The following NKIRAS1 variants were observed in gnomAD, a reference collection of about 807,000 sequenced individuals.
NKIRAS1 encodes NFKB inhibitor interacting Ras like 1, also known as NF-kappa-B inhibitor-interacting Ras-like protein 1.
A neutral mutation model predicts 19.8 loss-of-function variants in NKIRAS1; 16 were observed. The ratio of observed to expected loss-of-function variants is 0.81; its 90% CI spans 0.55 to 1.23. The LOEUF is 1.23. Ranked by LOEUF, NKIRAS1 falls within the 50% of genes most tolerant of loss-of-function variation. NKIRAS1 has a pLI of 0.00. For synonymous variants in NKIRAS1, 88 were observed against 79.0 expected, an observed-to-expected ratio of 1.11 and a Z score of -0.61; for missense variants, 184 against 220.0, an observed-to-expected ratio of 0.84 and a Z score of 1.04.
chr3:23,915,296 T>C (rs186497360), intron 1 of NKIRAS1, among the ~76,000 whole-genome samples: 1 of 152,246 alleles, frequency 6.6e-6, no homozygotes, highest in East Asian at 1.9e-4. Context: ...GCAGGCTTCA[T>C]AAGGTGGAAA....
rs1321797881 is a variant in NKIRAS1, at chr3:23,900,959, G to C, written c.185C>G (p.Thr62Ser). 1 of 1,613,978 alleles carries C rather than the reference G, an allele frequency of 6.2e-7. No individual in the cohort carries two copies. Among genetic ancestry groups the C allele is most frequent in the East Asian group, 2.2e-5 (1 of 44,886 alleles). The part of the protein sequence containing the change: ...GVKEQLHLYD[T>S]RGLQEGVELP... Reference sequence around the variant, plus strand: ...CTCCACGCCTTCCTGTAGACCTCTGGTGTCATAAAGATGTAACTGTTCTTT... The same window carrying C: ...CTCCACGCCTTCCTGTAGACCTCTGCTGTCATAAAGATGTAACTGTTCTTT... Residue 62 changes from threonine to serine, a missense_variant, in exon 4 of 5, where the codon ACC becomes AGC. Physicochemically the swap from Thr to Ser is moderately conservative, Grantham distance 58. Transcript: ENST00000425478.
chr3:23,931,228 C>T (rs1575130959), intron 1 of NKIRAS1, among the ~76,000 whole-genome samples: 2 of 152,148 alleles, frequency 1.3e-5, no homozygotes, highest in South Asian at 4.1e-4. Context: ...AAAAAACCAA[C>T]GTTCCCTTCA....
intron 1 of NKIRAS1, among the ~76,000 whole-genome samples, chr3:23,932,311 TG>T (rs1705332579): frequency 6.6e-6 from 1 of 152,170 alleles, no homozygotes; most frequent in Non-Finnish European, 1.5e-5. Context: ...CTATACTAAA[TG>T]ATATACAGAG....
At chr3:23,917,802 T>G (rs1207232155), upstream of NKIRAS1, 1 of 1,526,512 alleles carries the variant, frequency 6.6e-7, no homozygotes, top group Non-Finnish European at 8.9e-7. Context: ...ACAGTCGTCT[T>G]ATTGTACTTA....
chr3:23,944,398 T>A lies in NKIRAS1; in HGVS notation c.-140+1925A>T, dbSNP rs140002208. 1.8e-4 allele frequency among the ~76,000 whole-genome samples: 28 copies of A among 152,344 alleles called. No individual in the cohort carries two copies. The East Asian group carries it at 4.6e-3, about 25-fold the overall frequency. Reference sequence around the variant, plus strand: ...ATATCCCCATCGCCTAAGTTTAACATCTTACCATATCATCTATTCATGCCT... The same window carrying A: ...ATATCCCCATCGCCTAAGTTTAACAACTTACCATATCATCTATTCATGCCT... On this transcript the variant is annotated intron_variant, in intron 1 of 4. Coordinates refer to the NKIRAS1 transcript ENST00000421515.
At chr3:23,929,818 T>C (rs1028064213) in intron 1 of NKIRAS1, among the ~76,000 whole-genome samples, 2 of 152,186 alleles carry the variant, frequency 1.3e-5, no homozygotes, top group Non-Finnish European at 2.9e-5. Flanking sequence ...AGAGATATTT[T>C]ATTTTTGAAT....
chr3:23,942,038 G>A (rs1338363309), intron 1 of NKIRAS1, among the ~76,000 whole-genome samples: 1 of 151,842 alleles, frequency 6.6e-6, no homozygotes, highest in Non-Finnish European at 1.5e-5. Context: ...GAGTGCAGTG[G>A]CATGATCTCA....
rs774861812 is a variant in NKIRAS1 at position 23,930,466 on chromosome 3, CA to C, written c.-140+15856del. On this transcript the variant is annotated intron_variant, in intron 1 of 4. Coordinates refer to the NKIRAS1 transcript ENST00000421515. ...TCAGAATAAAAGATAAATAAGCCGC[CA>C]AAAAAAAGGACAAAAAATCTACACT... Among the ~76,000 whole-genome samples, 1,009 of 130,428 alleles carry C rather than the reference CA, an allele frequency of 7.7e-3. 1 individual carries two copies. Among genetic ancestry groups the C allele is most frequent in the Middle Eastern group, 0.026 (6 of 230 alleles). 85.6% of individuals were successfully genotyped at this position (130,428 alleles called of 152,430 possible).
chr3:23,909,195 G>A lies in NKIRAS1; in HGVS notation c.94+1616C>T, dbSNP rs556915787. On this transcript the variant is annotated intron_variant, in intron 3 of 4. Coordinates refer to ENST00000425478, the MANE Select transcript of NKIRAS1 (RefSeq NM_020345.4). ...TAAACATTATTTTAGAAAGCTAGAA[G>A]AGAAGCAGAGCACATAGAAATGGTT... Among the ~76,000 whole-genome samples the A allele has an allele frequency of 3.3e-5, 5 of 152,284 alleles. No homozygotes were observed. In the South Asian group the frequency reaches 1.0e-3, roughly 32 times the overall value.
At chr3:23,903,855 T>C (rs1702756354) in intron 3 of NKIRAS1, among the ~76,000 whole-genome samples, 1 of 152,064 alleles carries the variant, frequency 6.6e-6, no homozygotes, top group Non-Finnish European at 1.5e-5. Context: ...GCCCTCTAAG[T>C]GTCCAATACA....
intron 1 of NKIRAS1, among the ~76,000 whole-genome samples, chr3:23,936,082 CAAAAA>C (rs35945213): frequency 0.02 from 1,274 of 63,888 alleles, 22 homozygotes; most frequent in African/African-American, 0.071. Flanking sequence ...GACCCTGTCT[CAAAAA>C]AAAAAAAAAA....
Position 23,900,976 on chromosome 3 carries a change from C to T in NKIRAS1, c.168G>A (p.Gln56=). The T allele has an allele frequency of 1.2e-6, 2 of 1,614,154 alleles. No homozygotes were observed. Among genetic ancestry groups the T allele is most frequent in the Non-Finnish European group, 1.7e-6 (2 of 1,180,014 alleles). The part of the protein sequence containing the change: ...SVETDRGVKE[Q]LHLYDTRGLQ... Reference sequence around the variant, plus strand: ...GACCTCTGGTGTCATAAAGATGTAACTGTTCTTTTACTCCTCGGTCTGTTT... The same window carrying T: ...GACCTCTGGTGTCATAAAGATGTAATTGTTCTTTTACTCCTCGGTCTGTTT... The change falls in exon 4 of 5, where the codon CAG becomes CAA. Residue 56 remains glutamine (Q), a synonymous_variant. Coordinates refer to ENST00000425478, the MANE Select transcript of NKIRAS1 (RefSeq NM_020345.4).
chr3:23,908,909 G>C (rs1575092579), intron 3 of NKIRAS1, among the ~76,000 whole-genome samples: 1 of 149,588 alleles, frequency 6.7e-6, no homozygotes, highest in African/African-American at 2.5e-5. Context: ...TCTCAGGCTA[G>C]TCTCAAACTC....
intron 1 of NKIRAS1, among the ~76,000 whole-genome samples, chr3:23,911,685 T>C (rs979973605): frequency 1.3e-5 from 2 of 151,784 alleles, no homozygotes; most frequent in Non-Finnish European, 2.9e-5. Flanking sequence ...AAAATGGACA[T>C]GATTTTTCAA....
At chr3:23,919,804 C>T, upstream of NKIRAS1, 9 of 1,071,248 alleles carry the variant, frequency 8.4e-6, no homozygotes, top group Non-Finnish European at 1.0e-5. Context: ...GAAACTAGCC[C>T]TGTAGATTTG....
upstream of NKIRAS1, chr3:23,918,131 C>A: frequency 2.1e-6 from 3 of 1,424,734 alleles, no homozygotes; most frequent in Non-Finnish European, 2.8e-6. Context: ...TCTTTCTTCG[C>A]ATAGGGCTTT....
At chr3:23,893,532 C>T (rs1045561173) in intron 4 of NKIRAS1, among the ~76,000 whole-genome samples, 195 bp from the exon 5 acceptor site, 11 of 152,102 alleles carry the variant, frequency 7.2e-5, no homozygotes, top group African/African-American at 2.7e-4. Flanking sequence ...CTCGGCCGGG[C>T]GTGCTGGCTC....
Position 23,893,305 on chromosome 3 carries a change from G to C in NKIRAS1, c.369C>G (p.Asp123Glu). Residue 123 changes from aspartate (D) to glutamate (E), a missense_variant, in exon 5 of 5, where the codon GAC (aspartate) becomes GAG (glutamate). By Grantham distance (45) the Asp-to-Glu change is conservative (BLOSUM62 2). Coordinates refer to ENST00000425478, the MANE Select transcript of NKIRAS1 (RefSeq NM_020345.4). ...CGTCCACTTGTCTCTGCTCAGAAAGGTCGATTTTGTTTCCTAATACCACAA... is the reference window on the plus strand; with the variant it reads ...CGTCCACTTGTCTCTGCTCAGAAAGCTCGATTTTGTTTCCTAATACCACAA... Reference protein sequence around the residue: ...VAIVVLGNKIDLSEQRQVDAE... With the variant: ...VAIVVLGNKIELSEQRQVDAE... 6.2e-7 allele frequency: 1 copy of C among 1,613,668 alleles called. No individual in the cohort carries two copies. The highest frequency in any genetic ancestry group is 1.1e-5 in the South Asian group (1 of 91,012).
At chr3:23,928,082 CCTCTCT>C (rs1381856045) in intron 1 of NKIRAS1, among the ~76,000 whole-genome samples, 1 of 139,720 alleles carries the variant, frequency 7.2e-6, no homozygotes, top group Admixed American at 7.7e-5. Flanking sequence ...CACTCTCTCT[CCTCTCT>C]CTCTCTACAC....
Sources: allele counts gnomAD v4.1 joint callset (sites outside exome capture counted in the v4.1 genomes callset), GRCh38; gene constraint gnomAD v4.1.1; transcripts MANE v1.5; gene names NCBI Gene and HGNC (gene_info 2026-07-23, HGNC 2026-07-21).